PTPRD: variants seen among roughly 807,000 people sequenced by gnomAD.
PTPRD encodes the protein receptor-type tyrosine-protein phosphatase delta.
PTPRD carries 34 observed loss-of-function variants against 214.5 expected under a neutral mutation model. The observed-to-expected ratio is 0.16, with a 90% CI of 0.12 to 0.21. PTPRD has a LOEUF of 0.21. Among genes scored for constraint, PTPRD ranks in the 10% least tolerant of loss-of-function variants. The pLI is 1.00. For missense variants in PTPRD, 2,545 were observed against 2,398.7 expected (o/e 1.06, Z -1.27); for synonymous variants, 1,128 against 845.7 (o/e 1.33, Z -5.79).
intron 33 of PTPRD, among the ~76,000 whole-genome samples, chr9:8,454,777 A>C (rs1156804485): frequency 6.6e-6 from 1 of 151,810 alleles, no homozygotes; most frequent in Non-Finnish European, 1.5e-5. Context: ...TTATGAACTA[A>C]ACAGAGGACA....
intron 2 of PTPRD, among the ~76,000 whole-genome samples, chr9:10,474,536 T>C (rs1210726354): frequency 1.3e-5 from 2 of 151,996 alleles, no homozygotes; most frequent in Non-Finnish European, 2.9e-5. Flanking sequence ...CACACAATAA[T>C]AGTAGGAGAC....
chr9:8,323,926 A>C (rs755654272), intron 44 of PTPRD, among the ~76,000 whole-genome samples: 6 of 152,164 alleles, frequency 3.9e-5, no homozygotes, highest in Non-Finnish European at 8.8e-5. Flanking sequence ...TGACTTTGTC[A>C]CTTAGTCACT....
At chr9:9,202,056 G>A (rs1353976293) in intron 9 of PTPRD, among the ~76,000 whole-genome samples, 2 of 152,156 alleles carry the variant, frequency 1.3e-5, no homozygotes, top group East Asian at 3.9e-4. Context: ...CGGAAGATAA[G>A]AAAAGCCTTG....
At chr9:9,936,957 C>G (rs1324936114) in intron 5 of PTPRD, among the ~76,000 whole-genome samples, 1 of 150,714 alleles carries the variant, frequency 6.6e-6, no homozygotes, top group Non-Finnish European at 1.5e-5. Context: ...TCATCATTCT[C>G]AGTAAACTAT....
chr9:8,475,162 G>A (rs770926295), intron 30 of PTPRD, among the ~76,000 whole-genome samples: 13 of 151,972 alleles, frequency 8.6e-5, no homozygotes, highest in East Asian at 1.9e-4. Context: ...AGGCTTTAGC[G>A]CCTGCCTCCT....
At chr9:8,806,989 C>T (rs1177982546) in intron 11 of PTPRD, among the ~76,000 whole-genome samples, 1 of 152,108 alleles carries the variant, frequency 6.6e-6, no homozygotes, top group African/African-American at 2.4e-5. Flanking sequence ...TGTTCCATCA[C>T]AATTACAGTG....
chr9:8,798,470 G>A (rs190820987), intron 11 of PTPRD, among the ~76,000 whole-genome samples: 1 of 152,166 alleles, frequency 6.6e-6, no homozygotes, highest in Admixed American at 6.5e-5. Flanking sequence ...GAGAAGTTCT[G>A]ATATTTACTC....
chr9:8,487,226 A>G (rs569073428), intron 27 of PTPRD, among the ~76,000 whole-genome samples: 1 of 152,300 alleles, frequency 6.6e-6, no homozygotes, highest in East Asian at 1.9e-4. Context: ...TAATAATCTG[A>G]ATATTAAACT....
intron 37 of PTPRD, among the ~76,000 whole-genome samples, chr9:8,381,774 C>T (rs530490217): frequency 9.9e-5 from 15 of 152,140 alleles, no homozygotes; most frequent in Non-Finnish European, 1.9e-4. Context: ...AAAAGTTATT[C>T]CCTTTTGTTT....
chr9:9,424,114 G>A (rs2079889337), intron 8 of PTPRD, among the ~76,000 whole-genome samples: 1 of 152,154 alleles, frequency 6.6e-6, no homozygotes, highest in Non-Finnish European at 1.5e-5. Flanking sequence ...ACTAGTTGAT[G>A]CAATGACATG....
At chr9:10,541,016 C>G (rs567647987) in intron 2 of PTPRD, among the ~76,000 whole-genome samples, 68 of 152,044 alleles carry the variant, frequency 4.5e-4, no homozygotes, top group Non-Finnish European at 8.7e-4. Flanking sequence ...AAAATTGAAT[C>G]AAGTAAAAAA....
intron 3 of PTPRD, among the ~76,000 whole-genome samples, chr9:10,109,194 A>G (rs1446491328): frequency 6.6e-6 from 1 of 152,186 alleles, no homozygotes; most frequent in African/African-American, 2.4e-5. Context: ...TCTTTCTGTT[A>G]CTGCATTTTT....
At position 8,928,817 on chromosome 9, in the gene PTPRD, C is replaced by A. The variant is rs184204226; in HGVS notation, c.-104+89880G>T. On this transcript the variant is annotated intron_variant, in intron 11 of 45. Transcript: ENST00000381196. The stretch of plus-strand genomic sequence containing the variant: ...TTTTCATGATATTGATTCTTCCTAT[C>A]CATGAGGATGGAATGTTTTTCCATT... 1.3e-3 allele frequency among the ~76,000 whole-genome samples: 193 copies of A among 152,216 alleles called. 1 individual carries two copies. The highest frequency in any genetic ancestry group is 4.4e-3 in the African/African-American group (182 of 41,520).
intron 9 of PTPRD, among the ~76,000 whole-genome samples, chr9:9,394,559 T>C (rs916966602): frequency 1.3e-5 from 2 of 152,154 alleles, no homozygotes; most frequent in African/African-American, 4.8e-5. Flanking sequence ...TTCTTATATG[T>C]AAAGATGATA....
intron 2 of PTPRD, among the ~76,000 whole-genome samples, chr9:10,384,599 A>G (rs1015484754): frequency 9.9e-5 from 15 of 151,876 alleles, no homozygotes; most frequent in African/African-American, 2.6e-4. Flanking sequence ...GTAAAATATC[A>G]CAAAACTTGT....
intron 11 of PTPRD, among the ~76,000 whole-genome samples, chr9:8,964,800 A>C (rs534474409): frequency 6.6e-6 from 1 of 152,180 alleles, no homozygotes; most frequent in East Asian, 1.9e-4. Flanking sequence ...CCTTGATTTC[A>C]TTGTTTATCC....
intron 14 of PTPRD, among the ~76,000 whole-genome samples, chr9:8,597,907 G>C (rs925848542): frequency 6.6e-6 from 1 of 151,794 alleles, no homozygotes. Flanking sequence ...CATTTTTCTT[G>C]GACCAACTTG....
At chr9:8,468,204 T>C (rs1172159747) in intron 31 of PTPRD, among the ~76,000 whole-genome samples, 1 of 151,996 alleles carries the variant, frequency 6.6e-6, no homozygotes, top group East Asian at 1.9e-4. Flanking sequence ...ACTCTGCCCC[T>C]TTAGGTTGCT....
At chr9:9,412,800 T>C (rs1021628266) in intron 8 of PTPRD, among the ~76,000 whole-genome samples, 3 of 152,168 alleles carry the variant, frequency 2.0e-5, no homozygotes, top group Non-Finnish European at 4.4e-5. Context: ...GATAAGACAG[T>C]CTAATAAATT....
Sources: gnomAD v4.1 joint callset for allele counts (sites outside exome capture counted in the v4.1 genomes callset) on GRCh38, gnomAD v4.1.1 for gene constraint, MANE v1.5 for transcripts, NCBI Gene and HGNC (gene_info 2026-07-23, HGNC 2026-07-21) for gene names.